TMEM106C: variants seen among roughly 807,000 people sequenced by gnomAD.
The protein encoded by TMEM106C is transmembrane protein 106C, also known as endoplasmic reticulum membrane protein overexpressed in cancer.
In TMEM106C, 27 loss-of-function variants were observed where a neutral mutation model predicts 30.8. That is an observed-to-expected ratio of 0.88 (90% CI 0.65 to 1.21). TMEM106C has a LOEUF of 1.21. TMEM106C is among the 50% of genes most tolerant of loss of function. The pLI, the probability that TMEM106C is intolerant of heterozygous loss-of-function variation, is 0.00. For synonymous variants in TMEM106C, 123 were observed against 118.8 expected (o/e 1.04, Z -0.23); for missense variants, 288 against 307.8 (o/e 0.94, Z 0.48).
intron 6 of TMEM106C, 43 bp from the exon 7 acceptor site, chr12:47,967,164 TA>T (rs552717722): frequency 0.016 from 21,988 of 1,375,698 alleles, 21 homozygotes; most frequent in African/African-American, 0.029. Flanking sequence ...ACTGAGGCTT[TA>T]AAAAAAAAAA....
Position 47,965,934 on chromosome 12 carries a change from C to A in TMEM106C, c.348C>A (p.Asp116Glu). ...LFPHSVLVDD[D>E]GIKVVKVTFN... ...CGCATTCAGTCCTTGTGGATGATGACGGCATCAAAGTGGTGAAAGTCACAT... is the reference window on the plus strand; with the variant it reads ...CGCATTCAGTCCTTGTGGATGATGAAGGCATCAAAGTGGTGAAAGTCACAT... Residue 116 changes from aspartate (D) to glutamate (E), a missense_variant, in exon 4 of 8, where the codon GAC becomes GAA. Asp to Glu is a conservative substitution (Grantham distance 45). Coordinates refer to ENST00000429772, the MANE Select transcript of TMEM106C (RefSeq NM_001143842.2). The A allele has an allele frequency of 6.2e-7, 1 of 1,614,214 alleles. No homozygotes were observed. The highest frequency in any genetic ancestry group is 8.5e-7 in the Non-Finnish European group (1 of 1,180,050).
chr12:47,967,404 C>G, intron 7 of TMEM106C, 143 bp downstream of exon 7: 2 of 780,734 alleles, frequency 2.6e-6, no homozygotes, highest in South Asian at 3.0e-5. Context: ...ATACAGTAGA[C>G]CCTTGGTGTT....
chr12:47,965,256 A>G (rs1476115163), intron 2 of TMEM106C, 26 bp from the exon 3 acceptor site: 2 of 1,609,160 alleles, frequency 1.2e-6, no homozygotes, highest in Admixed American at 1.7e-5. Flanking sequence ...TGGGATTTAC[A>G]AAATAATTGT....
Position 47,965,325 on chromosome 12 carries a change from G to C in TMEM106C, c.231G>C (p.Gln77His). 3 of 1,614,158 alleles carry C rather than the reference G, an allele frequency of 1.9e-6. No homozygotes were observed. Among genetic ancestry groups the C allele is most frequent in the African/African-American group, 1.3e-5 (1 of 75,068 alleles). The stretch of plus-strand genomic sequence containing the variant: ...TGGCTTTGATCCCACACAGTGATCA[G>C]AGATTGCGCCCTCAGCGAACGTGAG... ...ELVALIPHSDQRLRPQRTKQY... is the reference protein window; with the variant it reads ...ELVALIPHSDHRLRPQRTKQY... Residue 77 changes from glutamine to histidine, a missense_variant, in exon 3 of 8, where the codon CAG (glutamine) becomes CAC (histidine). Gln to His is a conservative substitution (Grantham distance 24, BLOSUM62 0). Transcript: ENST00000429772.
At position 47,968,518 on chromosome 12, in the gene TMEM106C, T is replaced by C. The variant is rs1038106444; in HGVS notation, c.*289T>C. The C allele has an allele frequency of 5.4e-5, 23 of 424,834 alleles. No homozygotes were observed. The highest frequency in any genetic ancestry group is 4.5e-4 in the African/African-American group (22 of 49,140). 26.3% of individuals were successfully genotyped at this position (424,834 alleles called of 1,614,324 possible). A position where few individuals can be genotyped will look rare whatever the true frequency, so the allele number is the denominator to read the frequency against. ...GATCTTTTCAGCTGTTCTTAGGGCA[T>C]TATAAATGGAAATCATAACGTGGTT... is the stretch of plus-strand genomic sequence containing the variant. On this transcript the variant is annotated 3_prime_UTR_variant, in exon 8 of 8. Coordinates refer to ENST00000429772, the MANE Select transcript of TMEM106C (RefSeq NM_001143842.2).
At chr12:47,968,095 C>G (rs2136487124) in intron 7 of TMEM106C, 38 bp from the exon 8 acceptor site, 1 of 1,563,852 alleles carries the variant, frequency 6.4e-7, no homozygotes, top group East Asian at 2.2e-5. Flanking sequence ...TTTCATCCCC[C>G]AAACATAATT....
Position 47,964,407 on chromosome 12 carries a change from A to C in TMEM106C, c.171A>C (p.Thr57=), listed in dbSNP as rs1217180511. 11 of 1,614,158 alleles carry C rather than the reference A, an allele frequency of 6.8e-6. No individual in the cohort carries two copies. The highest frequency in any genetic ancestry group is 9.3e-6 in the Non-Finnish European group (11 of 1,180,026). The change falls in exon 2 of 8, where the codon ACA becomes ACC. Residue 57 remains threonine (T), a synonymous_variant. Coordinates refer to ENST00000429772, the MANE Select transcript of TMEM106C (RefSeq NM_001143842.2). ...TCACCTGTCTCACGTGCCAGGGGAC[A>C]GGCTACATTCCAACAGGTGATCATG... is the stretch of plus-strand genomic sequence containing the variant. ...DSITCLTCQG[T]GYIPTEQVNE...
At position 47,965,822 on chromosome 12, in the gene TMEM106C, G is replaced by A. The variant is rs1200811277; in HGVS notation, c.252-16G>A. 2 of 1,613,908 alleles carry A rather than the reference G, an allele frequency of 1.2e-6. No individual in the cohort carries two copies. The highest frequency in any genetic ancestry group is 8.5e-7 in the Non-Finnish European group (1 of 1,179,950). ...ATCTGACTGCCTGGGTCGGTCATGT[G>A]CTGTGTCATTTGCAGTAAGCAATAT... On this transcript the variant is annotated splice_polypyrimidine_tract_variant and intron_variant, in intron 3 of 7. Transcript: ENST00000429772.
chr12:47,965,295 G>C lies in TMEM106C; in HGVS notation c.201G>C (p.Glu67Asp). ...TGYIPTEQVN[E>D]LVALIPHSDQ... ...GCTCTTTTCTAGAGCAAGTAAATGA[G>C]TTGGTGGCTTTGATCCCACACAGTG... Residue 67 changes from glutamate (E) to aspartate (D), a missense_variant, in exon 3 of 8, where the codon GAG becomes GAC. Coordinates refer to ENST00000429772, the MANE Select transcript of TMEM106C (RefSeq NM_001143842.2). The C allele has an allele frequency of 6.2e-7, 1 of 1,614,072 alleles. No homozygotes were observed. The highest frequency in any genetic ancestry group is 8.5e-7 in the Non-Finnish European group (1 of 1,179,978).
chr12:47,966,478 G>A (rs1938227598), intron 5 of TMEM106C: 2 of 695,386 alleles, frequency 2.9e-6, no homozygotes, highest in Middle Eastern at 4.9e-4. Context: ...AAGCAGCAGT[G>A]TTACAGCCTG....
At chr12:47,964,511 GTAATACCA>G in intron 2 of TMEM106C, 88 bp downstream of exon 2, 1 of 1,274,900 alleles carries the variant, frequency 7.8e-7, no homozygotes, top group Non-Finnish European at 1.1e-6. Flanking sequence ...CTTCTAGGCA[GTAATACCA>G]TAATAGAGAC....
At chr12:47,967,848 T>C (rs1191179193) in intron 7 of TMEM106C, among the ~76,000 whole-genome samples, 1 of 152,114 alleles carries the variant, frequency 6.6e-6, no homozygotes, top group African/African-American at 2.4e-5. Context: ...AAACCCTCCA[T>C]CCCTTAGTTG....
Position 47,968,629 on chromosome 12 carries a change from G to C in TMEM106C, c.*400G>C, listed in dbSNP as rs6823. 167,707 of 288,370 alleles carry C rather than the reference G, an allele frequency of 0.58. 50,498 individuals carry two copies. Among genetic ancestry groups the C allele is most frequent in the East Asian group, 0.83 (9,313 of 11,196 alleles). The allele number at this position is 288,370 out of a possible 1,614,324, so 17.9% of individuals were successfully genotyped here. ...ATCAGTGCCTCATCTGTGCAGAAGTGGCAGCAGAGAGGGACCATCCAAATA... is the reference window on the plus strand; with the variant it reads ...ATCAGTGCCTCATCTGTGCAGAAGTCGCAGCAGAGAGGGACCATCCAAATA... On this transcript the variant is annotated 3_prime_UTR_variant, in exon 8 of 8. Coordinates refer to ENST00000429772, the MANE Select transcript of TMEM106C (RefSeq NM_001143842.2).
At position 47,968,838 on chromosome 12, in the gene TMEM106C, A is replaced by T. The variant is rs1330834568; in HGVS notation, c.*609A>T. The stretch of plus-strand genomic sequence containing the variant: ...CCTTCATCCATTGGCTGGAACATGG[A>T]TTGGGGATTTGATAGAAAAATAAAC... On this transcript the variant is annotated 3_prime_UTR_variant, in exon 8 of 8. Coordinates refer to ENST00000429772, the MANE Select transcript of TMEM106C (RefSeq NM_001143842.2). 6.4e-6 allele frequency: 1 copy of T among 156,550 alleles called. No individual in the cohort carries two copies. Among genetic ancestry groups the T allele is most frequent in the African/African-American group, 2.4e-5 (1 of 41,208 alleles). The allele number at this position is 156,550 out of a possible 1,614,324, so 9.7% of individuals were successfully genotyped here.
rs115138655 is a variant in TMEM106C, at chr12:47,966,123, C to T, written c.446C>T (p.Thr149Met). ...AAAATCAGGAACTCCAACTTCTACA[C>T]GGTGGCAGTGACCAGCCTGTCCAGC... The part of the protein sequence containing the change: ...TLKIRNSNFY[T>M]VAVTSLSSQI... Residue 149 changes from threonine (T) to methionine (M), a missense_variant, in exon 5 of 8, where the codon ACG becomes ATG. By Grantham distance (81) the Thr-to-Met change is moderately conservative. Transcript: ENST00000429772. The T allele has an allele frequency of 7.6e-5, 122 of 1,614,218 alleles. 1 individual carries two copies. The highest frequency in any genetic ancestry group is 6.2e-4 in the East Asian group (28 of 44,888).
At chr12:47,964,166 A>T in intron 1 of TMEM106C, 43 bp from the exon 2 acceptor site, 3 of 1,516,512 alleles carry the variant, frequency 2.0e-6, no homozygotes, top group Non-Finnish European at 2.7e-6. Context: ...TTCTGTCGTG[A>T]TTCACTGGGG....
rs201972634 is a variant in TMEM106C at position 47,966,739 on chromosome 12, A to T, written c.602+7A>T. ...GACCGTTTTCCTATGTGTAGTAAGGACACTGTTCTCTCTGTGTGTGCTCTC... is the reference window on the plus strand; with the variant it reads ...GACCGTTTTCCTATGTGTAGTAAGGTCACTGTTCTCTCTGTGTGTGCTCTC... On this transcript the variant is annotated splice_region_variant and intron_variant, in intron 6 of 7. Transcript: ENST00000429772. The T allele has an allele frequency of 1.9e-6, 3 of 1,614,022 alleles. No individual in the cohort carries two copies. The highest frequency in any genetic ancestry group is 1.7e-6 in the Non-Finnish European group (2 of 1,179,938).
chr12:47,966,480 T>G (rs1278031729), intron 5 of TMEM106C: 1 of 697,970 alleles, frequency 1.4e-6, no homozygotes, highest in Admixed American at 2.9e-5. Context: ...GCAGCAGTGT[T>G]ACAGCCTGAG....
At chr12:47,966,882 A>AC in intron 6 of TMEM106C, 150 bp downstream of exon 6, 1 of 752,336 alleles carries the variant, frequency 1.3e-6, no homozygotes, top group Non-Finnish European at 2.3e-6. Flanking sequence ...TTATTTGAAG[A>AC]ATGTATTATT....
Sources: gnomAD v4.1 joint callset for allele counts (sites outside exome capture counted in the v4.1 genomes callset) on GRCh38, gnomAD v4.1.1 for gene constraint, MANE v1.5 for transcripts, NCBI Gene and HGNC (gene_info 2026-07-23, HGNC 2026-07-21) for gene names.